MDN1: variants seen among roughly 807,000 people sequenced by gnomAD.
MDN1 encodes the protein midasin.
Under a neutral mutation model 669.2 loss-of-function variants are expected in MDN1, and 266 were observed. The observed-to-expected ratio is 0.40, with a 90% CI of 0.36 to 0.44. MDN1 has a LOEUF of 0.44. Ranked by LOEUF, MDN1 falls within the 20% of genes least tolerant of loss-of-function variation. MDN1 has a pLI of 1.00. For missense variants in MDN1, 5,940 were observed against 6,754.0 expected (o/e 0.88, Z 4.22); for synonymous variants, 2,385 against 2,457.1 (o/e 0.97, Z 0.87).
chr6:89,781,031 T>C (rs962909743), intron 10 of MDN1, among the ~76,000 whole-genome samples: 5 of 151,722 alleles, frequency 3.3e-5, no homozygotes, highest in South Asian at 2.1e-4. Flanking sequence ...AAGTCATAGA[T>C]AGCGAAATCC....
At chr6:89,690,604 C>A in intron 64 of MDN1, 69 bp downstream of exon 64, 1 of 1,555,074 alleles carries the variant, frequency 6.4e-7, no homozygotes, top group Middle Eastern at 2.0e-4. Context: ...AGAGAGAAAG[C>A]CATCAGAGGG....
In MDN1 at chr6:89,768,023, C is replaced by A. The variant is rs2128321990; in HGVS notation, c.2144+3538G>T. Among the ~76,000 whole-genome samples, 4 of 151,694 alleles carry A rather than the reference C, an allele frequency of 2.6e-5. No individual in the cohort carries two copies. In the Middle Eastern group the frequency reaches 0.01, roughly 387 times the overall value. On this transcript the variant is annotated intron_variant, in intron 15 of 101. Transcript: ENST00000369393. ...TGCCACTGCACTCCAGCCTGTGTGACAGAGACCCTGTCTCAAAAAAAAAAC... is the reference window on the plus strand; with the variant it reads ...TGCCACTGCACTCCAGCCTGTGTGAAAGAGACCCTGTCTCAAAAAAAAAAC...
At chr6:89,784,688 C>A (rs1818861240) in intron 9 of MDN1, among the ~76,000 whole-genome samples, 1 of 152,106 alleles carries the variant, frequency 6.6e-6, no homozygotes. Flanking sequence ...GTAAAATGAT[C>A]CTCTGTAGAC....
intron 2 of MDN1, among the ~76,000 whole-genome samples, chr6:89,800,121 T>G (rs995849447): frequency 6.6e-6 from 1 of 150,864 alleles, no homozygotes; most frequent in Non-Finnish European, 1.5e-5. Context: ...AATATCCAAT[T>G]AAAAAGAAAA....
chr6:89,665,339 T>C (rs1318850626), intron 84 of MDN1, among the ~76,000 whole-genome samples: 1 of 152,132 alleles, frequency 6.6e-6, no homozygotes, highest in Non-Finnish European at 1.5e-5. Flanking sequence ...ATTTATATGT[T>C]TCTATATAAT....
At chr6:89,781,244 A>AT in intron 10 of MDN1, 155 bp downstream of exon 10, 1 of 685,684 alleles carries the variant, frequency 1.5e-6, no homozygotes, top group Non-Finnish European at 2.5e-6. Flanking sequence ...AAACCTGACT[A>AT]TTTACTTCTA....
rs750687166 is a variant in MDN1, at chr6:89,658,905, A to G, written c.14726T>C (p.Leu4909Ser). 1 of 1,611,534 alleles carries G rather than the reference A, an allele frequency of 6.2e-7. No homozygotes were observed. ...DNEEGEEENP[L>S]EIKEKPEEAG... Reference sequence around the variant, plus strand: ...TTCTTCTGGTTTTTCTTTTATCTCCAAAGGATTCTCTTCTGTATAGATACA... The same window carrying G: ...TTCTTCTGGTTTTTCTTTTATCTCCGAAGGATTCTCTTCTGTATAGATACA... The change falls in exon 89 of 102, where the codon TTG becomes TCG. Residue 4909 changes from leucine to serine, a missense_variant. Leu to Ser is a moderately radical substitution (Grantham distance 145). Coordinates refer to ENST00000369393, the MANE Select transcript of MDN1 (RefSeq NM_014611.3).
At chr6:89,712,840 C>T in intron 47 of MDN1, 54 bp from the exon 48 acceptor site, 2 of 1,529,644 alleles carry the variant, frequency 1.3e-6, no homozygotes, top group Admixed American at 3.4e-5. Context: ...GTGATATTCC[C>T]CAAAAACCAG....
At chr6:89,732,068 AAAAC>A (rs1400696121) in intron 34 of MDN1, among the ~76,000 whole-genome samples, 1 of 152,152 alleles carries the variant, frequency 6.6e-6, no homozygotes, top group Non-Finnish European at 1.5e-5. Flanking sequence ...GAAAAATACA[AAAAC>A]AAAACTTGCA....
chr6:89,720,412 A>AG (rs1011610848), intron 40 of MDN1, among the ~76,000 whole-genome samples: 1 of 152,092 alleles, frequency 6.6e-6, no homozygotes, highest in African/African-American at 2.4e-5. Context: ...AAAAAAAAAA[A>AG]AAAAATTCCC....
intron 29 of MDN1, 64 bp from the exon 30 acceptor site, chr6:89,743,778 C>T: frequency 6.5e-7 from 1 of 1,546,120 alleles, no homozygotes; most frequent in Non-Finnish European, 8.8e-7. Flanking sequence ...TAAACACCCC[C>T]CCTCAGCAAA....
rs1375996106 is a variant in MDN1, at chr6:89,754,157, G to A, written c.2890C>T (p.Leu964Phe). The A allele has an allele frequency of 6.2e-7, 1 of 1,614,168 alleles. No homozygotes were observed. The highest frequency in any genetic ancestry group is 1.7e-5 in the Admixed American group (1 of 60,028). Residue 964 changes from leucine to phenylalanine, a missense_variant, in exon 21 of 102, where the codon CTT becomes TTT. Coordinates refer to ENST00000369393, the MANE Select transcript of MDN1 (RefSeq NM_014611.3). ...CGCAGGGCCCGGCACAGAGTCCGAAGGCTGTAGTGAGGTCTATGGCCAGTG... is the reference window on the plus strand; with the variant it reads ...CGCAGGGCCCGGCACAGAGTCCGAAAGCTGTAGTGAGGTCTATGGCCAGTG... ...DGTGHRPHYS[L>F]RTLCRALRFA...
intron 50 of MDN1, among the ~76,000 whole-genome samples, chr6:89,709,565 T>G (rs182159106): frequency 3.3e-5 from 5 of 152,232 alleles, no homozygotes; most frequent in Non-Finnish European, 5.9e-5. Flanking sequence ...TTTTCTCTAT[T>G]GTTTGATTTC....
At chr6:89,797,447 T>C (rs1819667622) in intron 2 of MDN1, among the ~76,000 whole-genome samples, 1 of 151,942 alleles carries the variant, frequency 6.6e-6, no homozygotes, top group Admixed American at 6.6e-5. Flanking sequence ...TAGCGGGTTC[T>C]GTTCTTGTGG....
At chr6:89,770,261 G>T (rs1235541042) in intron 15 of MDN1, among the ~76,000 whole-genome samples, 1 of 151,890 alleles carries the variant, frequency 6.6e-6, no homozygotes, top group Non-Finnish European at 1.5e-5. Context: ...AAAATTAGCT[G>T]GGCATGGTGG....
At chr6:89,732,507 A>C (rs776729138) in intron 34 of MDN1, 50 bp downstream of exon 34, 1 of 1,528,836 alleles carries the variant, frequency 6.5e-7, no homozygotes, top group South Asian at 1.2e-5. Context: ...TCCTTTTCCT[A>C]TGCCCCTCTA....
chr6:89,713,038 A>T (rs1329182927), intron 47 of MDN1, 110 bp downstream of exon 47: 1 of 1,180,580 alleles, frequency 8.5e-7, no homozygotes, highest in Non-Finnish European at 1.2e-6. Flanking sequence ...AGCAAACTGC[A>T]GTGGTCAACT....
At chr6:89,797,132 G>A (rs752707382) in intron 2 of MDN1, among the ~76,000 whole-genome samples, 5 of 152,084 alleles carry the variant, frequency 3.3e-5, no homozygotes, top group Non-Finnish European at 7.4e-5. Flanking sequence ...AGCACTTTGG[G>A]AGGCCAAGGG....
chr6:89,647,666 G>A (rs960343366), intron 99 of MDN1, among the ~76,000 whole-genome samples: 17 of 152,150 alleles, frequency 1.1e-4, no homozygotes, highest in African/African-American at 1.9e-4. Flanking sequence ...TACTGTATGC[G>A]GTGGAGGGTG....
Sources: gnomAD v4.1 joint callset for allele counts (sites outside exome capture counted in the v4.1 genomes callset) on GRCh38, gnomAD v4.1.1 for gene constraint, MANE v1.5 for transcripts, NCBI Gene and HGNC (gene_info 2026-07-23, HGNC 2026-07-21) for gene names.